The following MED15 variants were observed in gnomAD, a reference collection of about 807,000 sequenced individuals.
MED15 encodes the protein mediator of RNA polymerase II transcription subunit 15.
A neutral mutation model predicts 118.7 loss-of-function variants in MED15; 41 were observed. The observed-to-expected ratio is 0.35, with a 90% CI of 0.27 to 0.45. MED15 has a LOEUF of 0.45. MED15 is among the 20% of genes least tolerant of loss of function. MED15 has a pLI of 1.00. For synonymous variants in MED15, 436 were observed against 413.9 expected (o/e 1.05, Z -0.65); for missense variants, 740 against 1,025.5 (o/e 0.72, Z 3.80).
intron 1 of MED15, among the ~76,000 whole-genome samples, chr22:20,527,430 T>G (rs754294571): frequency 6.6e-6 from 1 of 151,346 alleles, no homozygotes; most frequent in Non-Finnish European, 1.5e-5. Context: ...ATAATATTTA[T>G]ATATATTATA....
At chr22:20,507,940 C>T in intron 1 of MED15, 194 bp downstream of exon 1, 2 of 1,442,628 alleles carry the variant, frequency 1.4e-6, no homozygotes, top group Non-Finnish European at 1.8e-6. Flanking sequence ...GTTTGCTTTC[C>T]TGGGGCCGAG....
intron 1 of MED15, among the ~76,000 whole-genome samples, chr22:20,526,705 C>G (rs1369403225): frequency 1.3e-5 from 2 of 152,180 alleles, no homozygotes; most frequent in African/African-American, 4.8e-5. Flanking sequence ...GTTCAAACCC[C>G]TGGCCTCAAG....
intron 1 of MED15, among the ~76,000 whole-genome samples, chr22:20,529,430 A>G (rs1412325464): frequency 6.6e-6 from 1 of 150,522 alleles, no homozygotes; most frequent in Non-Finnish European, 1.5e-5. Context: ...ATATTTACGT[A>G]TATATTTTTT....
At chr22:20,521,695 CTTAT>C (rs60248748) in intron 1 of MED15, among the ~76,000 whole-genome samples, 13,215 of 140,846 alleles carry the variant, frequency 0.094, 1,239 homozygotes, top group African/African-American at 0.25. Context: ...TGCGCCTGGC[CTTAT>C]TTATTTATTT....
chr22:20,581,061 GGACCTCT>G (rs2056965425), intron 9 of MED15, among the ~76,000 whole-genome samples: 1 of 152,158 alleles, frequency 6.6e-6, no homozygotes, highest in Non-Finnish European at 1.5e-5. Flanking sequence ...CTTTGGATAG[GGACCTCT>G]GACCCAGCTG....
intron 17 of MED15, 138 bp downstream of exon 17, chr22:20,585,964 T>G: frequency 1.3e-6 from 1 of 758,098 alleles, no homozygotes; most frequent in Non-Finnish European, 2.2e-6. Flanking sequence ...TCCCCTCTTC[T>G]GGCTCCTCCT....
chr22:20,577,587 T>C (rs929525022), intron 9 of MED15, among the ~76,000 whole-genome samples: 2 of 151,832 alleles, frequency 1.3e-5, no homozygotes, highest in African/African-American at 4.8e-5. Flanking sequence ...TAGAGAAATA[T>C]ATGATGAAGC....
intron 2 of MED15, among the ~76,000 whole-genome samples, chr22:20,545,333 G>T (rs183062934): frequency 4.1e-4 from 63 of 152,182 alleles, no homozygotes; most frequent in African/African-American, 1.3e-3. Context: ...ACAAAAATCA[G>T]TAGGGGGTGA....
chr22:20,547,816 C>T (rs1424181080), intron 2 of MED15, among the ~76,000 whole-genome samples: 1 of 151,778 alleles, frequency 6.6e-6, no homozygotes, highest in Non-Finnish European at 1.5e-5. Context: ...GAGTGAGACT[C>T]CATCTAAAAA....
intron 5 of MED15, among the ~76,000 whole-genome samples, chr22:20,558,382 T>TCTCAAAGGGTAGGCC (rs2056101381): frequency 6.6e-6 from 1 of 151,850 alleles, no homozygotes; most frequent in African/African-American, 2.4e-5. Context: ...CCAGGGGACA[T>TCTCAAAGGGTAGGCC]TGTGATAGTT....
At chr22:20,520,338 C>G (rs2054402242) in intron 1 of MED15, among the ~76,000 whole-genome samples, 1 of 152,190 alleles carries the variant, frequency 6.6e-6, no homozygotes, top group South Asian at 2.1e-4. Context: ...AGTGATGAGT[C>G]TGCTATGTGT....
Position 20,562,315 on chromosome 22 carries a change from A to G in MED15, c.452-2135A>G, listed in dbSNP as rs147499212. ...CTTAATTTAAGCATATGATGGAACA[A>G]TATGTTTATAAAAATAAATCATAAA... is the stretch of plus-strand genomic sequence containing the variant. On this transcript the variant is annotated intron_variant, in intron 5 of 17. Transcript: ENST00000263205. Among the ~76,000 whole-genome samples the G allele has an allele frequency of 1.8e-4, 28 of 152,324 alleles. 1 individual carries two copies. The highest frequency in any genetic ancestry group is 6.7e-4 in the African/African-American group (28 of 41,554).
chr22:20,555,841 C>A (rs1001186850), intron 5 of MED15, among the ~76,000 whole-genome samples: 4 of 152,218 alleles, frequency 2.6e-5, no homozygotes, highest in East Asian at 1.9e-4. Context: ...CACACCACAG[C>A]CTCCAAAGTA....
At chr22:20,520,642 A>G (rs2054413041) in intron 1 of MED15, among the ~76,000 whole-genome samples, 1 of 151,898 alleles carries the variant, frequency 6.6e-6, no homozygotes. Context: ...AACTGTTGAT[A>G]CTCCCCAGAT....
chr22:20,533,796 G>C (rs913830969), intron 1 of MED15, among the ~76,000 whole-genome samples: 1 of 152,182 alleles, frequency 6.6e-6, no homozygotes, highest in Non-Finnish European at 1.5e-5. Flanking sequence ...GACAGGGCCC[G>C]TCTGCCAGTA....
chr22:20,553,266 A>C (rs2055859570), intron 4 of MED15, 92 bp downstream of exon 4: 1 of 1,323,806 alleles, frequency 7.6e-7, no homozygotes, highest in African/African-American at 1.5e-5. Context: ...TGCCTGGGTT[A>C]ACCTGTCACT....
In MED15 at chr22:20,582,946, C is replaced by T. The variant is rs1215221202; in HGVS notation, c.1516C>T (p.Pro506Ser). Residue 506 changes from proline (P) to serine (S), a missense_variant, in exon 11 of 18, where the codon CCT becomes TCT. Pro to Ser is a moderately conservative substitution (Grantham distance 74). Around this residue, in one of 7 missense-constraint regions of MED15, gnomAD observed 384 missense variants for 506.3 expected, o/e 0.76. Transcript: ENST00000263205. ...CCCACAGAACTTCAGTGTCCCCTCA[C>T]CTGGACCTTTAAACACACCTGGTAA... ...RTPQNFSVPS[P>S]GPLNTPVNPS... is the part of the protein sequence containing the mutation. 6.2e-7 allele frequency: 1 copy of T among 1,613,740 alleles called. No individual in the cohort carries two copies. Among genetic ancestry groups the T allele is most frequent in the Non-Finnish European group, 8.5e-7 (1 of 1,179,968 alleles).
chr22:20,572,138 T>C (rs2056682727), intron 8 of MED15, among the ~76,000 whole-genome samples: 1 of 152,242 alleles, frequency 6.6e-6, no homozygotes, highest in South Asian at 2.1e-4. Context: ...TCTTAGATTG[T>C]TCCTGGAGCT....
chr22:20,557,037 C>G (rs1197162779), intron 5 of MED15, among the ~76,000 whole-genome samples: 1 of 152,176 alleles, frequency 6.6e-6, no homozygotes, highest in Non-Finnish European at 1.5e-5. Flanking sequence ...CCTGCTTTTG[C>G]TTACTATTAT....
Sources: gnomAD v4.1 joint callset for allele counts (sites outside exome capture counted in the v4.1 genomes callset) on GRCh38, gnomAD v4.1.1 for gene constraint, gnomAD v4.1.1 regional missense constraint, MANE v1.5 for transcripts, NCBI Gene and HGNC (gene_info 2026-07-23, HGNC 2026-07-21) for gene names.